The following SYNPR variants were observed in gnomAD, a reference collection of about 807,000 sequenced individuals.
SYNPR encodes synaptoporin.
SYNPR carries 23 observed loss-of-function variants against 32.9 expected under a neutral mutation model. The ratio of observed to expected loss-of-function variants is 0.70; its 90% CI spans 0.50 to 0.99. SYNPR has a LOEUF of 0.99. Ranked by LOEUF, SYNPR falls within the 50% of genes least tolerant of loss-of-function variation. The pLI is 0.00. For missense variants in SYNPR, 318 were observed against 349.3 expected (o/e 0.91, Z 0.71); for synonymous variants, 146 against 135.9 (o/e 1.07, Z -0.52).
At chr3:63,481,556 G>A (rs928123457) in intron 3 of SYNPR, among the ~76,000 whole-genome samples, 5 of 151,858 alleles carry the variant, frequency 3.3e-5, no homozygotes, top group African/African-American at 1.2e-4. Flanking sequence ...ACGTAGCATT[G>A]ATACCAATAT....
At chr3:63,218,169 C>T in the SYNPR span, among the ~76,000 whole-genome samples, 2 of 152,098 alleles carry the variant, frequency 1.3e-5, no homozygotes, top group Non-Finnish European at 2.9e-5. Context: ...AAAATATCCT[C>T]AAGGGCAAGG....
the SYNPR span, among the ~76,000 whole-genome samples, chr3:63,209,459 T>C: frequency 6.6e-6 from 1 of 152,110 alleles, no homozygotes; most frequent in Admixed American, 6.6e-5. Context: ...TTACTAAAGA[T>C]TTTCTGAACA....
At chr3:63,565,652 C>A (rs553504554) in intron 4 of SYNPR, among the ~76,000 whole-genome samples, 48 of 152,252 alleles carry the variant, frequency 3.2e-4, no homozygotes, top group African/African-American at 1.0e-3. Context: ...AGCATTCTGC[C>A]CATGACCCCC....
intron 4 of SYNPR, among the ~76,000 whole-genome samples, chr3:63,571,655 C>T (rs991264731): frequency 2.0e-5 from 3 of 152,048 alleles, no homozygotes; most frequent in East Asian, 1.9e-4. Flanking sequence ...TTTTCTACCA[C>T]GTGGAATAAA....
intron 2 of SYNPR, among the ~76,000 whole-genome samples, chr3:63,395,317 T>A (rs2088197162): frequency 6.6e-6 from 1 of 152,228 alleles, no homozygotes; most frequent in East Asian, 1.9e-4. Context: ...GAAATAAATC[T>A]TTTTATGACT....
chr3:63,433,495 C>A (rs1433814607), intron 2 of SYNPR, among the ~76,000 whole-genome samples: 1 of 152,166 alleles, frequency 6.6e-6, no homozygotes, highest in Non-Finnish European at 1.5e-5. Flanking sequence ...AACAGGCCTG[C>A]AGTAATACAT....
chr3:63,596,440 C>T (rs531044150), intron 4 of SYNPR, among the ~76,000 whole-genome samples: 4 of 151,900 alleles, frequency 2.6e-5, no homozygotes, highest in African/African-American at 9.7e-5. Flanking sequence ...ATCTACCAGC[C>T]ACCAGCCTGC....
the SYNPR span, among the ~76,000 whole-genome samples, chr3:63,207,695 C>G: frequency 6.6e-6 from 1 of 152,034 alleles, no homozygotes; most frequent in Non-Finnish European, 1.5e-5. Context: ...CTCTGAGATA[C>G]TAGAATGAAA....
At chr3:63,375,554 C>A (rs1312737768) in intron 2 of SYNPR, among the ~76,000 whole-genome samples, 1 of 152,040 alleles carries the variant, frequency 6.6e-6, no homozygotes, top group Non-Finnish European at 1.5e-5. Flanking sequence ...AGGAACATCA[C>A]ACACTGGGGC....
At chr3:63,443,587 C>A in intron 2 of SYNPR, 2 of 1,146,902 alleles carry the variant, frequency 1.7e-6, no homozygotes, top group Non-Finnish European at 2.5e-6. Context: ...GTTTTTAAGT[C>A]TCTAGTAATA....
chr3:63,556,647 T>C lies in SYNPR; in HGVS notation c.314T>C (p.Val105Ala). The C allele has an allele frequency of 2.5e-6, 4 of 1,613,922 alleles. No individual in the cohort carries two copies. Among genetic ancestry groups the C allele is most frequent in the South Asian group, 2.2e-5 (2 of 91,062 alleles). The change falls in exon 4 of 6, where the codon GTT (valine) becomes GCT (alanine). Residue 105 changes from valine (V) to alanine (A), a missense_variant. Physicochemically the swap from Val to Ala is moderately conservative, Grantham distance 64 (BLOSUM62 0). Transcript: ENST00000478300. ...TCTTCAGCAGAGTTCTTCGTCACTG[T>C]TGCTGTCTTCGCCTTCCTCTACTCT... The part of the protein sequence containing the change: ...SSSSAEFFVT[V>A]AVFAFLYSLA...
chr3:63,257,304 A>G (rs889168511), intron 2 of SYNPR, among the ~76,000 whole-genome samples: 2 of 152,214 alleles, frequency 1.3e-5, no homozygotes, highest in African/African-American at 4.8e-5. Flanking sequence ...AAAAATGTTA[A>G]GGGCAGCCAG....
chr3:63,559,801 T>C (rs1702655265), intron 4 of SYNPR, among the ~76,000 whole-genome samples: 1 of 152,010 alleles, frequency 6.6e-6, no homozygotes, highest in South Asian at 2.1e-4. Flanking sequence ...CCCACCATGA[T>C]GTACAGATGG....
In SYNPR at chr3:63,609,263, A is replaced by C. The variant is rs1016037281; in HGVS notation, c.547A>C (p.Asn183His). ...LLMSACKQPS[N>H]KCMAIHSPVM... is the part of the protein sequence containing the mutation. The stretch of plus-strand genomic sequence containing the variant: ...AATGTCAGCTTGCAAACAGCCATCC[A>C]ACAAATGCATGGCTATCCACAGCCC... Residue 183 changes from asparagine to histidine, a missense_variant, in exon 5 of 6, where the codon AAC becomes CAC. Physicochemically the swap from Asn to His is moderately conservative, Grantham distance 68 (BLOSUM62 1). Coordinates refer to ENST00000478300, the MANE Select transcript of SYNPR (RefSeq NM_001130003.2). 6.2e-7 allele frequency: 1 copy of C among 1,605,604 alleles called. No homozygotes were observed. Among genetic ancestry groups the C allele is most frequent in the Non-Finnish European group, 8.5e-7 (1 of 1,175,666 alleles).
At chr3:63,398,037 G>A (rs924137877) in intron 2 of SYNPR, among the ~76,000 whole-genome samples, 1 of 152,202 alleles carries the variant, frequency 6.6e-6, no homozygotes, top group African/African-American at 2.4e-5. Flanking sequence ...ACTGTTGTAG[G>A]GTGGTGTGGT....
In SYNPR at chr3:63,421,743, T is replaced by C. The variant is rs150076398; in HGVS notation, c.85-59089T>C. Among the ~76,000 whole-genome samples the C allele has an allele frequency of 1.4e-3, 212 of 152,306 alleles. 3 individuals carry two copies. The East Asian group carries it at 0.032, about 23-fold the overall frequency. ...TCTCATCTGAGGCTTTAGGTCCTCTTGCAAGCTCTTTGGTTGTTGGCAGGA... is the reference window on the plus strand; with the variant it reads ...TCTCATCTGAGGCTTTAGGTCCTCTCGCAAGCTCTTTGGTTGTTGGCAGGA... On this transcript the variant is annotated intron_variant, in intron 2 of 5. Coordinates refer to ENST00000478300, the MANE Select transcript of SYNPR (RefSeq NM_001130003.2).
chr3:63,446,757 G>A (rs1043984195), intron 2 of SYNPR, among the ~76,000 whole-genome samples: 14 of 151,972 alleles, frequency 9.2e-5, no homozygotes, highest in African/African-American at 2.7e-4. Context: ...CAAACAAACC[G>A]CTAACAAGCA....
intron 2 of SYNPR, among the ~76,000 whole-genome samples, chr3:63,403,461 C>CACAG (rs909302423): frequency 2.0e-5 from 3 of 151,672 alleles, no homozygotes; most frequent in African/African-American, 7.3e-5. Flanking sequence ...CACACACACA[C>CACAG]ACACACACAT....
intron 3 of SYNPR, among the ~76,000 whole-genome samples, chr3:63,533,146 A>C (rs528051699): frequency 2.6e-4 from 39 of 152,262 alleles, no homozygotes; most frequent in Admixed American, 7.9e-4. Context: ...ACTCTGTCCT[A>C]GTGGTTTTTG....
Sources: gnomAD v4.1 joint callset for allele counts (sites outside exome capture counted in the v4.1 genomes callset) on GRCh38, gnomAD v4.1.1 for gene constraint, MANE v1.5 for transcripts, NCBI Gene and HGNC (gene_info 2026-07-23, HGNC 2026-07-21) for gene names.